MGAT5: variants seen among roughly 807,000 people sequenced by gnomAD.
The protein encoded by MGAT5 is alpha-1,6-mannosylglycoprotein 6-beta-N-acetylglucosaminyltransferase, also known as alpha-1,6-mannosylglycoprotein 6-beta-N-acetylglucosaminyltransferase A.
A neutral mutation model predicts 94.3 loss-of-function variants in MGAT5; 30 were observed. The observed-to-expected ratio is 0.32, with a 90% CI of 0.24 to 0.43. The LOEUF is 0.43. Among genes scored for constraint, MGAT5 ranks in the 20% least tolerant of loss-of-function variants. The pLI is 1.00. For missense variants in MGAT5, 691 were observed against 905.5 expected (o/e 0.76, Z 3.04); for synonymous variants, 310 against 322.9 (o/e 0.96, Z 0.43).
intron 12 of MGAT5, among the ~76,000 whole-genome samples, chr2:134,413,527 C>G (rs751388754): frequency 4.6e-5 from 7 of 152,166 alleles, no homozygotes; most frequent in Admixed American, 4.6e-4. Flanking sequence ...TTTGCAGAAG[C>G]CTCATTTGAA....
At chr2:134,301,972 T>A (rs1686049097) in intron 2 of MGAT5, among the ~76,000 whole-genome samples, 1 of 152,206 alleles carries the variant, frequency 6.6e-6, no homozygotes, top group Non-Finnish European at 1.5e-5. Flanking sequence ...AAAAAAATTC[T>A]TAAATAGTAA....
intron 5 of MGAT5, 131 bp from the exon 6 acceptor site, chr2:134,338,128 G>A (rs1295787775): frequency 2.7e-6 from 2 of 754,192 alleles, no homozygotes; most frequent in Non-Finnish European, 4.1e-6. Context: ...AGCTGCAGCA[G>A]ACAAGACTTA....
At chr2:134,260,703 T>C (rs1683272097) in intron 1 of MGAT5, among the ~76,000 whole-genome samples, 1 of 114,812 alleles carries the variant, frequency 8.7e-6, no homozygotes, top group African/African-American at 4.0e-5. Context: ...TTTCTTTTTC[T>C]TTTTTTTTTT....
At chr2:134,231,759 T>C (rs1234020469) in intron 1 of MGAT5, among the ~76,000 whole-genome samples, 1 of 152,138 alleles carries the variant, frequency 6.6e-6, no homozygotes, top group African/African-American at 2.4e-5. Flanking sequence ...GAAAGATCAC[T>C]GGGTTTGTGG....
At chr2:134,335,583 T>C (rs1190785050) in intron 4 of MGAT5, among the ~76,000 whole-genome samples, 5 of 152,136 alleles carry the variant, frequency 3.3e-5, no homozygotes, top group Admixed American at 2.6e-4. Flanking sequence ...TCTTCCAGAT[T>C]GGCTCTCACA....
intron 1 of MGAT5, among the ~76,000 whole-genome samples, chr2:134,193,675 TTGTGTGTGTGTG>T (rs58044792): frequency 0.021 from 2,804 of 130,876 alleles, 46 homozygotes; most frequent in East Asian, 0.079. Flanking sequence ...CCCCAAATCT[TTGTGTGTGTGTG>T]TGTGTGTGTG....
At chr2:134,185,596 T>C (rs1451743396) in intron 1 of MGAT5, among the ~76,000 whole-genome samples, 2 of 152,242 alleles carry the variant, frequency 1.3e-5, no homozygotes, top group Non-Finnish European at 2.9e-5. Flanking sequence ...AATTTTGATA[T>C]AAGTGCTTAA....
chr2:134,201,816 C>CCTTTT (rs1679799786), intron 1 of MGAT5, among the ~76,000 whole-genome samples: 1 of 67,876 alleles, frequency 1.5e-5, no homozygotes, highest in Non-Finnish European at 2.8e-5. Context: ...CCAAGCGCTG[C>CCTTTT]TTTTTTTTTT....
rs986262253 is a variant in MGAT5, at chr2:134,412,547, G to T, written c.1531-322G>T. On this transcript the variant is annotated intron_variant, in intron 11 of 15. Coordinates refer to ENST00000281923, the MANE Select transcript of MGAT5 (RefSeq NM_002410.5). Reference sequence around the variant, plus strand: ...AGAAGGATTATTGTTGGGTCTTGGTGGTGGTGGTGGTTGTTTTTCTTTTAA... The same window carrying T: ...AGAAGGATTATTGTTGGGTCTTGGTTGTGGTGGTGGTTGTTTTTCTTTTAA... 5.9e-5 allele frequency among the ~76,000 whole-genome samples: 9 copies of T among 152,050 alleles called. No individual in the cohort carries two copies. The East Asian group carries it at 1.7e-3, about 29-fold the overall frequency.
intron 1 of MGAT5, among the ~76,000 whole-genome samples, chr2:134,221,592 A>C (rs968398207): frequency 6.6e-6 from 1 of 152,192 alleles, no homozygotes; most frequent in Non-Finnish European, 1.5e-5. Flanking sequence ...GGGATTCTCT[A>C]TAGAATGTGG....
chr2:134,297,638 G>A (rs987978511), intron 2 of MGAT5, among the ~76,000 whole-genome samples: 3 of 152,128 alleles, frequency 2.0e-5, no homozygotes, highest in African/African-American at 7.2e-5. Context: ...CAGAAATCAT[G>A]TTACCTTAAT....
intron 4 of MGAT5, among the ~76,000 whole-genome samples, chr2:134,326,710 A>G (rs1687667361): frequency 6.6e-6 from 1 of 152,118 alleles, no homozygotes; most frequent in Admixed American, 6.6e-5. Flanking sequence ...AAAAAGTAAG[A>G]TGTATCATCT....
At chr2:134,265,929 GGAGGCT>G (rs1683684130) in intron 1 of MGAT5, among the ~76,000 whole-genome samples, 1 of 152,004 alleles carries the variant, frequency 6.6e-6, no homozygotes. Context: ...GAGCATTTTG[GGAGGCT>G]GAGGCTGGTG....
chr2:134,447,493 C>G (rs1685855405), intron 15 of MGAT5, among the ~76,000 whole-genome samples: 1 of 152,216 alleles, frequency 6.6e-6, no homozygotes, highest in South Asian at 2.1e-4. Flanking sequence ...GGAAGGGAAT[C>G]TGAGCCACAG....
At position 134,453,005 on chromosome 2, in the gene MGAT5, A is replaced by G. The variant is rs1255830837; in HGVS notation, c.*4158A>G. 1 of 152,240 alleles carries G rather than the reference A, an allele frequency of 6.6e-6. No homozygotes were observed. Among genetic ancestry groups the G allele is most frequent in the Non-Finnish European group, 1.5e-5 (1 of 68,050 alleles). 9.4% of individuals were successfully genotyped at this position (152,240 alleles called of 1,614,324 possible). On this transcript the variant is annotated 3_prime_UTR_variant, in exon 16 of 16. Coordinates refer to ENST00000281923, the MANE Select transcript of MGAT5 (RefSeq NM_002410.5). ...GCTGTAGAGTCTTGAATGCAGAAAA[A>G]AATTACCCTAGCTTTCTTAGCACTT...
intron 1 of MGAT5, among the ~76,000 whole-genome samples, chr2:134,189,032 G>A (rs1246078466): frequency 6.6e-6 from 1 of 152,208 alleles, no homozygotes; most frequent in Non-Finnish European, 1.5e-5. Flanking sequence ...CCTGTGTCTT[G>A]TCCCTTGGAA....
intron 10 of MGAT5, among the ~76,000 whole-genome samples, chr2:134,365,898 G>A (rs1318098891): frequency 6.6e-6 from 1 of 151,900 alleles, no homozygotes; most frequent in Non-Finnish European, 1.5e-5. Flanking sequence ...TTAATATCCT[G>A]TCCCCAGATT....
At chr2:134,208,520 A>AT (rs1298914136) in intron 1 of MGAT5, among the ~76,000 whole-genome samples, 4 of 152,208 alleles carry the variant, frequency 2.6e-5, no homozygotes, top group African/African-American at 7.2e-5. Flanking sequence ...ACTTAGGAAC[A>AT]TTTTAAGTAG....
chr2:134,372,844 C>G (rs1329489070), intron 10 of MGAT5, among the ~76,000 whole-genome samples: 1 of 152,210 alleles, frequency 6.6e-6, no homozygotes, highest in East Asian at 1.9e-4. Context: ...AGAAAACATA[C>G]AAGACTGCTG....
Sources: allele counts gnomAD v4.1 joint callset (sites outside exome capture counted in the v4.1 genomes callset), GRCh38; gene constraint gnomAD v4.1.1; transcripts MANE v1.5; gene names NCBI Gene and HGNC (gene_info 2026-07-23, HGNC 2026-07-21).